Variants in PTPRD observed in about 807,000 individuals in gnomAD.
The protein encoded by PTPRD is receptor-type tyrosine-protein phosphatase delta.
PTPRD carries 34 observed loss-of-function variants against 214.5 expected under a neutral mutation model. That is an observed-to-expected ratio of 0.16 (90% CI 0.12 to 0.21). The LOEUF (loss-of-function observed/expected upper bound fraction) is 0.21, where lower values mean the gene tolerates loss of function less well. PTPRD is among the 10% of genes least tolerant of loss of function. PTPRD has a pLI of 1.00. For missense variants in PTPRD, 2,545 were observed against 2,398.7 expected, an observed-to-expected ratio of 1.06 and a Z score of -1.27; for synonymous variants, 1,128 against 845.7, an observed-to-expected ratio of 1.33 and a Z score of -5.79.
chr9:8,426,768 G>A (rs1312900386), intron 35 of PTPRD, among the ~76,000 whole-genome samples: 1 of 149,802 alleles, frequency 6.7e-6, no homozygotes, highest in Non-Finnish European at 1.5e-5. Context: ...AAGATACGAA[G>A]TTTAATGTTA....
chr9:8,720,356 C>A (rs1212675780), intron 12 of PTPRD, among the ~76,000 whole-genome samples: 1 of 152,134 alleles, frequency 6.6e-6, no homozygotes, highest in Admixed American at 6.6e-5. Flanking sequence ...AGGGCCAGGC[C>A]CAGAGCTGGT....
chr9:9,929,677 C>A (rs1384001194), intron 5 of PTPRD, among the ~76,000 whole-genome samples: 1 of 152,156 alleles, frequency 6.6e-6, no homozygotes, highest in Non-Finnish European at 1.5e-5. Flanking sequence ...CAGGCTCAAG[C>A]CACAGCGCCT....
At chr9:10,156,099 T>TGG (rs1385124153) in intron 3 of PTPRD, among the ~76,000 whole-genome samples, 1 of 150,882 alleles carries the variant, frequency 6.6e-6, no homozygotes, top group Non-Finnish European at 1.5e-5. Context: ...TGTGTGTGTG[T>TGG]GTGTGTGTGT....
At chr9:9,167,484 G>A (rs1569557327) in intron 10 of PTPRD, among the ~76,000 whole-genome samples, 1 of 152,028 alleles carries the variant, frequency 6.6e-6, no homozygotes, top group African/African-American at 2.4e-5. Flanking sequence ...GCTGGGCATG[G>A]TGGCTCACAA....
chr9:9,774,052 A>C (rs925847989), intron 5 of PTPRD, among the ~76,000 whole-genome samples: 2 of 152,100 alleles, frequency 1.3e-5, no homozygotes, highest in African/African-American at 4.8e-5. Context: ...GTGGACATCT[A>C]CTCTGCCTTT....
At chr9:10,554,661 TTTG>T (rs1375268861) in intron 2 of PTPRD, among the ~76,000 whole-genome samples, 2 of 151,810 alleles carry the variant, frequency 1.3e-5, no homozygotes, top group Admixed American at 1.3e-4. Flanking sequence ...TTTAATTTTT[TTTG>T]TTTTTGTTTT....
At chr9:9,162,091 C>T (rs1351160109) in intron 10 of PTPRD, among the ~76,000 whole-genome samples, 5 of 152,122 alleles carry the variant, frequency 3.3e-5, no homozygotes, top group Admixed American at 3.3e-4. Flanking sequence ...TTGCCAATAT[C>T]TGACTATTCT....
In PTPRD at chr9:10,154,171, G is replaced by A. The variant is rs188786904; in HGVS notation, c.-544-120381C>T. Among the ~76,000 whole-genome samples, 746 of 152,200 alleles carry A rather than the reference G, an allele frequency of 4.9e-3. 5 individuals carry two copies. The highest frequency in any genetic ancestry group is 0.016 in the African/African-American group (665 of 41,546). On this transcript the variant is annotated intron_variant, in intron 3 of 45. Transcript: ENST00000381196. ...CTTTTTAACTATAGCCATTCTGACT[G>A]GTGTGAGATGGTATCTCATTGTGGT...
At chr9:8,908,846 G>A (rs2098726581) in intron 11 of PTPRD, among the ~76,000 whole-genome samples, 1 of 151,078 alleles carries the variant, frequency 6.6e-6, no homozygotes, top group African/African-American at 2.4e-5. Context: ...AGAATAAAAG[G>A]GAGAAAGTAA....
intron 2 of PTPRD, among the ~76,000 whole-genome samples, chr9:10,553,732 GAGA>G (rs200492302): frequency 0.016 from 2,372 of 152,212 alleles, 25 homozygotes; most frequent in Non-Finnish European, 0.025. Flanking sequence ...CAAAGAGAGA[GAGA>G]AGGAGAAAGA....
At chr9:8,596,818 A>G (rs1468885354) in intron 14 of PTPRD, among the ~76,000 whole-genome samples, 1 of 152,120 alleles carries the variant, frequency 6.6e-6, no homozygotes, top group Non-Finnish European at 1.5e-5. Context: ...TTTGCTACAT[A>G]AGGTATTGGG....
intron 10 of PTPRD, among the ~76,000 whole-genome samples, chr9:9,148,430 C>T (rs1224328740): frequency 6.6e-6 from 1 of 152,040 alleles, no homozygotes; most frequent in East Asian, 1.9e-4. Context: ...TTGACTTCAG[C>T]AGACGGAAAG....
At chr9:9,387,641 C>T (rs966002876) in intron 9 of PTPRD, among the ~76,000 whole-genome samples, 1 of 152,036 alleles carries the variant, frequency 6.6e-6, no homozygotes, top group African/African-American at 2.4e-5. Flanking sequence ...ATGGACACTT[C>T]AGAGGCACTT....
intron 5 of PTPRD, among the ~76,000 whole-genome samples, chr9:9,824,952 G>C (rs1022439192): frequency 6.6e-6 from 1 of 151,990 alleles, no homozygotes; most frequent in Non-Finnish European, 1.5e-5. Context: ...ATCTGGTTTT[G>C]AATCCTCACT....
intron 7 of PTPRD, among the ~76,000 whole-genome samples, chr9:9,694,124 A>G (rs2097326663): frequency 6.6e-6 from 1 of 152,068 alleles, no homozygotes; most frequent in African/African-American, 2.4e-5. Flanking sequence ...TCATCTGGTG[A>G]GGTCATGTTT....
At chr9:10,423,233 C>T (rs2098565373) in intron 2 of PTPRD, among the ~76,000 whole-genome samples, 1 of 152,004 alleles carries the variant, frequency 6.6e-6, no homozygotes, top group Non-Finnish European at 1.5e-5. Flanking sequence ...CATGTTCTCA[C>T]TCATAGGTGG....
chr9:8,502,127 C>G (rs1446755836), intron 23 of PTPRD, among the ~76,000 whole-genome samples: 1 of 152,052 alleles, frequency 6.6e-6, no homozygotes, highest in Non-Finnish European at 1.5e-5. Flanking sequence ...TCTGAGCAAT[C>G]ATTTTCCATC....
chr9:10,437,292 G>A (rs1251453491), intron 2 of PTPRD, among the ~76,000 whole-genome samples: 2 of 151,794 alleles, frequency 1.3e-5, no homozygotes, highest in Non-Finnish European at 2.9e-5. Context: ...CTTCAAAAAT[G>A]TTACATACAT....
chr9:8,910,527 T>C (rs1214362383), intron 11 of PTPRD, among the ~76,000 whole-genome samples: 1 of 152,128 alleles, frequency 6.6e-6, no homozygotes, highest in African/African-American at 2.4e-5. Flanking sequence ...TGAGCTAGCA[T>C]GCTCAGCCCC....
Sources: allele counts gnomAD v4.1 joint callset (sites outside exome capture counted in the v4.1 genomes callset), GRCh38; gene constraint gnomAD v4.1.1; transcripts MANE v1.5; gene names NCBI Gene and HGNC (gene_info 2026-07-23, HGNC 2026-07-21).